Variants in TTLL9 observed in about 807,000 individuals in gnomAD.
TTLL9 encodes the protein probable tubulin polyglutamylase TTLL9.
Under a neutral mutation model 65.6 loss-of-function variants are expected in TTLL9, and 47 were observed. That is an observed-to-expected ratio of 0.72 (90% CI 0.57 to 0.91). TTLL9 has a LOEUF of 0.91. TTLL9 is among the 40% of genes least tolerant of loss of function. The pLI is 0.00. For synonymous variants in TTLL9, 179 were observed against 204.8 expected, an observed-to-expected ratio of 0.87 and a Z score of 1.07; for missense variants, 537 against 568.8, an observed-to-expected ratio of 0.94 and a Z score of 0.57.
At chr20:31,918,585 C>T (rs144434512) in intron 6 of TTLL9, among the ~76,000 whole-genome samples, 9 of 152,268 alleles carry the variant, frequency 5.9e-5, no homozygotes, top group African/African-American at 2.2e-4. Flanking sequence ...GGTCTTTCTA[C>T]GTTGCCTAGA....
intron 10 of TTLL9, among the ~76,000 whole-genome samples, chr20:31,928,987 C>T (rs2063958408): frequency 6.6e-6 from 1 of 152,204 alleles, no homozygotes; most frequent in Admixed American, 6.5e-5. Context: ...GTGATCCTCC[C>T]ACCTCAGCCT....
intron 4 of TTLL9, chr20:31,901,341 C>G (rs1296672076): frequency 6.6e-6 from 1 of 152,168 alleles, no homozygotes; most frequent in African/African-American, 2.4e-5. Context: ...GTGCTGACCC[C>G]TGCGATTTTC....
chr20:31,905,759 C>T (rs1414040774), intron 4 of TTLL9, among the ~76,000 whole-genome samples: 1 of 152,136 alleles, frequency 6.6e-6, no homozygotes, highest in East Asian at 1.9e-4. Context: ...CCAGGCCGGG[C>T]GCGGTGGCTC....
chr20:31,890,146 C>CTTTCTTTCTTTCTTTTCTTTCTTTCT (rs1568753458), intron 3 of TTLL9, among the ~76,000 whole-genome samples: 2 of 18,950 alleles, frequency 1.1e-4, no homozygotes, highest in African/African-American at 7.1e-4. Flanking sequence ...TCCTTCCTTC[C>CTTTCTTTCTTTCTTTTCTTTCTTTCT]TTCCTTCCTT....
intron 12 of TTLL9, among the ~76,000 whole-genome samples, chr20:31,935,623 C>T (rs1409402474): frequency 6.6e-6 from 1 of 152,244 alleles, no homozygotes; most frequent in African/African-American, 2.4e-5. Flanking sequence ...GGTCCTGGCA[C>T]CAGCAGGTCT....
chr20:31,918,503 C>G (rs886536902), intron 6 of TTLL9, among the ~76,000 whole-genome samples: 1 of 152,108 alleles, frequency 6.6e-6, no homozygotes, highest in African/African-American at 2.4e-5. Context: ...TCCCAGATAG[C>G]TGGTACTACA....
chr20:31,925,212 A>G (rs2063880319), intron 9 of TTLL9, among the ~76,000 whole-genome samples, 163 bp downstream of exon 9: 1 of 151,978 alleles, frequency 6.6e-6, no homozygotes, highest in South Asian at 2.1e-4. Flanking sequence ...GGGGGCAGGG[A>G]GACTTATCTG....
intron 8 of TTLL9, among the ~76,000 whole-genome samples, chr20:31,924,611 G>A (rs1366032838): frequency 6.8e-6 from 1 of 147,650 alleles, no homozygotes; most frequent in Non-Finnish European, 1.5e-5. Context: ...TTGAGACCAT[G>A]TCTTGCTCTG....
At chr20:31,937,255 T>G in intron 12 of TTLL9, 141 bp from the exon 13 acceptor site, 1 of 543,342 alleles carries the variant, frequency 1.8e-6, no homozygotes. Context: ...TAAAAATAAT[T>G]AAAAAAAAAT....
intron 3 of TTLL9, among the ~76,000 whole-genome samples, chr20:31,892,508 A>G (rs565195967): frequency 6.6e-6 from 1 of 152,286 alleles, no homozygotes; most frequent in South Asian, 2.1e-4. Context: ...TCCCCACCAA[A>G]ATGTACTGAG....
rs752299320 is a variant in TTLL9, at chr20:31,922,953, TTAC to T, written c.574-9_574-7del. ...AATAAATGTTCAATTATTATTATTA[TTAC>T]AACTAGGACACAAGAAGCTCTGACG... On this transcript the variant is annotated splice_region_variant and splice_polypyrimidine_tract_variant and intron_variant, in intron 7 of 14. Coordinates refer to ENST00000535842, the MANE Select transcript of TTLL9 (RefSeq NM_001008409.5). 8.1e-6 allele frequency: 13 copies of T among 1,600,596 alleles called. No homozygotes were observed. The African/African-American group carries it at 1.2e-4, about 15-fold the overall frequency.
At chr20:31,934,580 C>A (rs2064076451) in intron 11 of TTLL9, 112 bp from the exon 12 acceptor site, 3 of 1,003,086 alleles carry the variant, frequency 3.0e-6, no homozygotes, top group Non-Finnish European at 4.3e-6. Context: ...CAGGGCTGGG[C>A]CCCTCTTGCC....
At chr20:31,903,099 G>A (rs888306515) in intron 4 of TTLL9, among the ~76,000 whole-genome samples, 1 of 151,924 alleles carries the variant, frequency 6.6e-6, no homozygotes, top group African/African-American at 2.4e-5. Context: ...TGAACTTCTG[G>A]ACTTGAGTGA....
At chr20:31,890,252 G>T (rs2063289292) in intron 3 of TTLL9, among the ~76,000 whole-genome samples, 2 of 144,424 alleles carry the variant, frequency 1.4e-5, no homozygotes, top group African/African-American at 5.2e-5. Context: ...ACCCTTTCTA[G>T]CAGTCTTATG....
chr20:31,880,065 A>G (rs1006039832), intron 2 of TTLL9, among the ~76,000 whole-genome samples: 3 of 152,046 alleles, frequency 2.0e-5, no homozygotes, highest in Non-Finnish European at 2.9e-5. Flanking sequence ...AAACAGGAAG[A>G]AAAAAAGCCG....
At chr20:31,911,064 C>T (rs1041423324) in intron 6 of TTLL9, among the ~76,000 whole-genome samples, 1 of 151,848 alleles carries the variant, frequency 6.6e-6, no homozygotes, top group Admixed American at 6.6e-5. Flanking sequence ...AATCCCAGCT[C>T]CTTGGGAGGC....
At position 31,925,044 on chromosome 20, in the gene TTLL9, A is replaced by G; in HGVS notation, c.700A>G (p.Met234Val). The G allele has an allele frequency of 6.2e-7, 1 of 1,613,834 alleles. No homozygotes were observed. The highest frequency in any genetic ancestry group is 8.5e-7 in the Non-Finnish European group (1 of 1,179,914). ...TGACCTGCGTGTCTATGTGCTGGTG[A>G]TGTCGGTGAGTAACAAAGGTGGGGG... Reference protein sequence around the residue: ...KFDLRVYVLVMSVFAECLLWS... With the variant: ...KFDLRVYVLVVSVFAECLLWS... Residue 234 changes from methionine (M) to valine (V), a missense_variant, in exon 9 of 15, where the codon ATG becomes GTG. Physicochemically the swap from Met to Val is conservative, Grantham distance 21. Transcript: ENST00000535842.
chr20:31,904,628 G>T (rs1600564700), intron 4 of TTLL9, among the ~76,000 whole-genome samples: 1 of 152,018 alleles, frequency 6.6e-6, no homozygotes, highest in Non-Finnish European at 1.5e-5. Flanking sequence ...AATGTGCTGG[G>T]ATTACTGGCT....
At chr20:31,905,608 C>T (rs1256027103) in intron 4 of TTLL9, among the ~76,000 whole-genome samples, 2 of 152,194 alleles carry the variant, frequency 1.3e-5, no homozygotes, top group African/African-American at 4.8e-5. Flanking sequence ...ATGTCCATCT[C>T]TGGACATCTC....
Sources: gnomAD v4.1 joint callset for allele counts (sites outside exome capture counted in the v4.1 genomes callset) on GRCh38, gnomAD v4.1.1 for gene constraint, MANE v1.5 for transcripts, NCBI Gene and HGNC (gene_info 2026-07-23, HGNC 2026-07-21) for gene names.